Variants in CERS4 observed in about 807,000 individuals in gnomAD.
The protein encoded by CERS4 is LAG1 homolog, ceramide synthase 4.
In CERS4, 65 loss-of-function variants were observed where a neutral mutation model predicts 51.8. The ratio of observed to expected loss-of-function variants is 1.26; its 90% CI spans 1.03 to 1.54. The LOEUF (loss-of-function observed/expected upper bound fraction) is 1.54. CERS4 is among the 40% of genes most tolerant of loss of function. The pLI, the probability that CERS4 is intolerant of heterozygous loss-of-function variation, is 0.00. For synonymous variants in CERS4, 228 were observed against 208.4 expected, an observed-to-expected ratio of 1.09 and a Z score of -0.81; for missense variants, 563 against 500.4, an observed-to-expected ratio of 1.13 and a Z score of -1.19.
At chr19:8,252,423 T>A (rs148140035) in intron 3 of CERS4, among the ~76,000 whole-genome samples, 80 of 126,392 alleles carry the variant, frequency 6.3e-4, no homozygotes, top group African/African-American at 2.3e-3. Context: ...ACTGTAGGCA[T>A]GCCACCATGG....
At chr19:8,214,687 G>A (rs945644565) in intron 2 of CERS4, among the ~76,000 whole-genome samples, 4 of 152,192 alleles carry the variant, frequency 2.6e-5, no homozygotes, top group Middle Eastern at 3.4e-3. Flanking sequence ...TTACTTTGTC[G>A]TCCTGTATGT....
chr19:8,230,387 A>T (rs1436246434), intron 2 of CERS4, among the ~76,000 whole-genome samples: 1 of 151,912 alleles, frequency 6.6e-6, no homozygotes, highest in African/African-American at 2.4e-5. Context: ...AGAGGGTTTC[A>T]TCATGTTGGC....
At position 8,251,115 on chromosome 19, in the gene CERS4, G is replaced by A. The variant is rs756866057; in HGVS notation, c.39G>A (p.Arg13=). The change falls in exon 3 of 12, where the codon AGG becomes AGA. Residue 13 remains arginine, a synonymous_variant. Transcript: ENST00000251363. Reference sequence around the variant, plus strand: ...TCAACGAGTGGTTTTGGCAGGACAGGTTCTGGTTACCACCCAATGTCACGT... The same window carrying A: ...TCAACGAGTGGTTTTGGCAGGACAGATTCTGGTTACCACCCAATGTCACGT... ...SSFNEWFWQD[R]FWLPPNVTWT... 8 of 1,610,840 alleles carry A rather than the reference G, an allele frequency of 5.0e-6. No individual in the cohort carries two copies. The highest frequency in any genetic ancestry group is 1.1e-5 in the South Asian group (1 of 90,284).
At chr19:8,238,587 C>T (rs1019510297) in intron 2 of CERS4, 126 of 985,196 alleles carry the variant, frequency 1.3e-4, no homozygotes, top group Non-Finnish European at 1.4e-4. Context: ...CTCTTTACTT[C>T]CTTCCCACAG....
rs376150876 is a variant in CERS4 at position 8,249,551 on chromosome 19, C to A, written c.-1-1525C>A. Among the ~76,000 whole-genome samples, 42 of 150,768 alleles carry A rather than the reference C, an allele frequency of 2.8e-4. No individual in the cohort carries two copies. In the East Asian group the frequency reaches 5.7e-3, roughly 20 times the overall value. On this transcript the variant is annotated intron_variant, in intron 2 of 11. Coordinates refer to ENST00000251363, the MANE Select transcript of CERS4 (RefSeq NM_024552.3). ...CCTGAAATTCCCACCTAGAGAGGAG[C>A]CTACCTTCCATAGATGGCCAGGAAA...
intron 2 of CERS4, chr19:8,241,524 C>T (rs973520880): frequency 4.6e-5 from 7 of 152,078 alleles, no homozygotes; most frequent in East Asian, 1.9e-4. Context: ...TGGCTGGTCT[C>T]GAACTCCTGA....
At chr19:8,224,296 A>AC (rs1415121268) in intron 2 of CERS4, among the ~76,000 whole-genome samples, 1 of 150,948 alleles carries the variant, frequency 6.6e-6, no homozygotes, top group Non-Finnish European at 1.5e-5. Flanking sequence ...AATCCCAGCT[A>AC]CTCAGGAGGC....
At chr19:8,215,869 G>A (rs917816154) in intron 2 of CERS4, among the ~76,000 whole-genome samples, 1 of 152,210 alleles carries the variant, frequency 6.6e-6, no homozygotes, top group Non-Finnish European at 1.5e-5. Flanking sequence ...ACGGTAACAG[G>A]ACGGGAGGGA....
Position 8,261,769 on chromosome 19 carries a change from G to A in CERS4, c.930G>A (p.Met310Ile), listed in dbSNP as rs772785310. The A allele has an allele frequency of 1.2e-6, 2 of 1,614,170 alleles. No homozygotes were observed. Among genetic ancestry groups the A allele is most frequent in the Non-Finnish European group, 1.7e-6 (2 of 1,180,032 alleles). The stretch of plus-strand genomic sequence containing the variant: ...ACTACTTCTTCAACGGGCTTCTGAT[G>A]TTGCTGCAGCTGCTGCACGTGTTCT... ...FGYYFFNGLL[M>I]LLQLLHVFWS... The change falls in exon 11 of 12, where the codon ATG becomes ATA. Residue 310 changes from methionine (M) to isoleucine (I), a missense_variant. Met to Ile is a conservative substitution (Grantham distance 10). Coordinates refer to ENST00000251363, the MANE Select transcript of CERS4 (RefSeq NM_024552.3).
At position 8,245,109 on chromosome 19, in the gene CERS4, C is replaced by G. The variant is rs567103459; in HGVS notation, c.-1-5967C>G. Among the ~76,000 whole-genome samples the G allele has an allele frequency of 0.016, 35 of 2,180 alleles. 1 individual carries two copies. In the East Asian group the frequency reaches 0.21, roughly 13 times the overall value. 1.4% of individuals were successfully genotyped at this position (2,180 alleles called of 152,430 possible). A position where few individuals can be genotyped will look rare whatever the true frequency, so the allele number is the denominator to read the frequency against. Reference sequence around the variant, plus strand: ...GCTGGGCGACCGAGCGAGACTCCATCTCAAAAAAAAAAAAAAAAAAAAAAA... The same window carrying G: ...GCTGGGCGACCGAGCGAGACTCCATGTCAAAAAAAAAAAAAAAAAAAAAAA... On this transcript the variant is annotated intron_variant, in intron 2 of 11. Transcript: ENST00000251363.
intron 2 of CERS4, among the ~76,000 whole-genome samples, chr19:8,243,637 C>T (rs925157554): frequency 4.0e-5 from 5 of 126,076 alleles, no homozygotes; most frequent in African/African-American, 1.4e-4. Context: ...CCTTCATGTG[C>T]AGTCTCTTCC....
intron 2 of CERS4, among the ~76,000 whole-genome samples, chr19:8,219,023 G>A (rs1448519246): frequency 1.3e-5 from 2 of 151,100 alleles, no homozygotes; most frequent in African/African-American, 2.4e-5. Context: ...CCTGGCCAAC[G>A]TGGTAAAACC....
intron 2 of CERS4, among the ~76,000 whole-genome samples, chr19:8,236,345 G>A (rs1407548598): frequency 6.6e-6 from 1 of 152,140 alleles, no homozygotes; most frequent in Non-Finnish European, 1.5e-5. Flanking sequence ...CTTTGGAGGG[G>A]GAACTCTGTA....
chr19:8,228,745 C>T (rs1023358640), intron 2 of CERS4, among the ~76,000 whole-genome samples: 4 of 151,202 alleles, frequency 2.6e-5, no homozygotes, highest in Non-Finnish European at 5.9e-5. Context: ...CAGTGAAGGC[C>T]GATCATGGTG....
At chr19:8,259,678 G>C (rs1599600663) in intron 10 of CERS4, among the ~76,000 whole-genome samples, 2 of 152,108 alleles carry the variant, frequency 1.3e-5, no homozygotes, top group Non-Finnish European at 2.9e-5. Context: ...GAGGCAGCAG[G>C]AGCTCAGCCC....
chr19:8,261,796 G>A lies in CERS4; in HGVS notation c.957G>A (p.Trp319Ter), dbSNP rs1032654373. The change falls in exon 11 of 12, where the codon TGG becomes TGA. Residue 319 changes from tryptophan (W) to a stop codon, truncating the protein, a stop_gained. Coordinates refer to ENST00000251363, the MANE Select transcript of CERS4 (RefSeq NM_024552.3). LOFTEE classifies it low-confidence loss of function (END_TRUNC). The stretch of plus-strand genomic sequence containing the variant: ...TGCTGCAGCTGCTGCACGTGTTCTG[G>A]TCTTGCCTCATTCTGCGCATGCTCT... The part of the protein sequence containing the change: ...LMLLQLLHVF[W>*]SCLILRMLYS... The A allele has an allele frequency of 3.1e-6, 5 of 1,614,174 alleles. No individual in the cohort carries two copies. The highest frequency in any genetic ancestry group is 4.2e-6 in the Non-Finnish European group (5 of 1,180,032).
chr19:8,211,799 G>A (rs2145149230), intron 2 of CERS4, among the ~76,000 whole-genome samples: 1 of 151,430 alleles, frequency 6.6e-6, no homozygotes, highest in East Asian at 1.9e-4. Flanking sequence ...GACTGAGGCA[G>A]GAGAATCTCT....
chr19:8,244,742 A>C (rs1362598651), intron 2 of CERS4, among the ~76,000 whole-genome samples: 1 of 152,088 alleles, frequency 6.6e-6, no homozygotes, highest in African/African-American at 2.4e-5. Context: ...TGGGAGTGTA[A>C]GATGGTGCAG....
intron 10 of CERS4, chr19:8,261,337 A>G: frequency 3.7e-6 from 1 of 266,924 alleles, no homozygotes; most frequent in Non-Finnish European, 7.2e-6. Context: ...CTATGAGGTG[A>G]GTAGGCAGTC....
Sources: gnomAD v4.1 joint callset for allele counts (sites outside exome capture counted in the v4.1 genomes callset) on GRCh38, gnomAD v4.1.1 for gene constraint, MANE v1.5 for transcripts, NCBI Gene and HGNC (gene_info 2026-07-23, HGNC 2026-07-21) for gene names.